Variants in MICU3 observed in about 807,000 individuals in gnomAD.
MICU3 encodes the protein calcium uptake protein 3, mitochondrial.
MICU3 carries 62 observed loss-of-function variants against 66.5 expected under a neutral mutation model. The ratio of observed to expected loss-of-function variants is 0.93; its 90% confidence interval spans 0.76 to 1.15. MICU3 has a LOEUF of 1.15. MICU3 is among the 50% of genes most tolerant of loss of function. The pLI, the probability that MICU3 is intolerant of heterozygous loss-of-function variation, is 0.00. For synonymous variants in MICU3, 308 were observed against 240.7 expected (o/e 1.28, Z -2.59); for missense variants, 779 against 664.4 (o/e 1.17, Z -1.90).
intron 13 of MICU3, 44 bp downstream of exon 13, chr8:17,116,644 C>G (rs962582244): frequency 7.4e-7 from 1 of 1,357,600 alleles, no homozygotes; most frequent in African/African-American, 1.5e-5. Flanking sequence ...TTTTTAAAGT[C>G]TGAGGGAAAT....
At chr8:17,125,488 G>A (rs1328651192), downstream of MICU3, among the ~76,000 whole-genome samples, 1 of 152,070 alleles carries the variant, frequency 6.6e-6, no homozygotes, top group Non-Finnish European at 1.5e-5. Context: ...TTGAATCTCT[G>A]TGTGGCTGAG....
intron 1 of MICU3, among the ~76,000 whole-genome samples, chr8:17,032,310 C>T (rs559604432): frequency 6.6e-6 from 1 of 151,916 alleles, no homozygotes; most frequent in Non-Finnish European, 1.5e-5. Context: ...ATTAGAACCT[C>T]AAAGTTTTAG....
chr8:17,027,302 T>A lies in MICU3; in HGVS notation c.23T>A (p.Leu8Ter). 7.3e-7 allele frequency: 1 copy of A among 1,361,758 alleles called. No homozygotes were observed. The highest frequency in any genetic ancestry group is 9.6e-7 in the Non-Finnish European group (1 of 1,044,074). The allele number at this position is 1,361,758 out of a possible 1,614,324, so 84.4% of individuals were successfully genotyped here. Residue 8 changes from leucine to a stop codon, truncating the protein, a stop_gained, in exon 1 of 15, where the codon TTG (leucine) becomes TAG (stop). Coordinates refer to ENST00000318063, the MANE Select transcript of MICU3 (RefSeq NM_181723.3). LOFTEE classifies it high-confidence loss of function. The stretch of plus-strand genomic sequence containing the variant: ...GCTATGGCTGCGCTGCGAAGGCTCT[T>A]GTGGCCGCCACCCCGGGTGTCTCCT... MAALRRLLWPPPRVSPPL... is the reference protein window; with the variant it reads MAALRRL
Position 17,052,387 on chromosome 8 carries a change from G to A in MICU3, c.382-11697G>A, listed in dbSNP as rs139964713. Among the ~76,000 whole-genome samples the A allele has an allele frequency of 8.4e-3, 1,271 of 152,008 alleles. 14 individuals carry two copies. Among genetic ancestry groups the A allele is most frequent in the African/African-American group, 0.029 (1,200 of 41,470 alleles). On this transcript the variant is annotated intron_variant, in intron 1 of 14. Transcript: ENST00000318063. ...TCAAATCTTCTCTTCTAGCTATTTT[G>A]AAATATTTGAATTTTATTATTAATT...
chr8:17,051,678 C>T (rs1816108775), intron 1 of MICU3, among the ~76,000 whole-genome samples: 1 of 152,050 alleles, frequency 6.6e-6, no homozygotes, highest in Non-Finnish European at 1.5e-5. Flanking sequence ...GTGTCAAATG[C>T]TATAAGAGGA....
chr8:17,107,283 C>G (rs1386784988), intron 11 of MICU3, among the ~76,000 whole-genome samples: 1 of 152,100 alleles, frequency 6.6e-6, no homozygotes, highest in Non-Finnish European at 1.5e-5. Flanking sequence ...GAAGAGGTAA[C>G]TTCTGGGGAG....
At chr8:17,069,793 A>G in intron 3 of MICU3, 74 bp downstream of exon 3, 2 of 483,270 alleles carry the variant, frequency 4.1e-6, no homozygotes, top group East Asian at 9.3e-5. Flanking sequence ...ATTAAAATAT[A>G]TTTCATAAAA....
At chr8:17,030,233 T>A (rs7002852) in intron 1 of MICU3, among the ~76,000 whole-genome samples, 38,635 of 152,144 alleles carry the variant, frequency 0.25, 5,179 homozygotes, top group East Asian at 0.39. Flanking sequence ...AGGTTCTTTT[T>A]TATTTCTGTT....
rs537463680 is a variant in MICU3, at chr8:17,112,137, C to T, written c.1258-1956C>T. On this transcript the variant is annotated intron_variant, in intron 11 of 14. Transcript: ENST00000318063. ...TTATAGGTCCCTCCCTCCCTGGACA[C>T]GTGGGGATTGCAATTTGAGATGAGA... 5.2e-4 allele frequency among the ~76,000 whole-genome samples: 79 copies of T among 152,194 alleles called. 1 individual carries two copies. The highest frequency in any genetic ancestry group is 1.9e-3 in the South Asian group (9 of 4,820).
rs564560687 is a variant in MICU3 at position 17,068,626 on chromosome 8, C to G, written c.536-1062C>G. ...TTGATTACACATTTGTATCAACTAT[C>G]TTGGATAGATGAAGGATGTTGTTGC... is the stretch of plus-strand genomic sequence containing the variant. On this transcript the variant is annotated intron_variant, in intron 2 of 14. Coordinates refer to ENST00000318063, the MANE Select transcript of MICU3 (RefSeq NM_181723.3). Among the ~76,000 whole-genome samples, 443 of 152,242 alleles carry G rather than the reference C, an allele frequency of 2.9e-3. 2 individuals are homozygous for G. The highest frequency in any genetic ancestry group is 4.7e-3 in the Non-Finnish European group (321 of 67,998).
the MICU3 span, among the ~76,000 whole-genome samples, chr8:17,136,416 C>T: frequency 8.6e-5 from 13 of 151,984 alleles, no homozygotes; most frequent in Non-Finnish European, 1.5e-5. Flanking sequence ...GCCTTGTGAC[C>T]ACCGCAGTTG....
At chr8:17,061,424 G>C (rs949731153) in intron 1 of MICU3, among the ~76,000 whole-genome samples, 3 of 152,092 alleles carry the variant, frequency 2.0e-5, no homozygotes, top group East Asian at 1.9e-4. Flanking sequence ...AACAGGGTTT[G>C]GTAAGCTGGG....
At chr8:17,041,357 A>T (rs1814054686) in intron 1 of MICU3, among the ~76,000 whole-genome samples, 2 of 152,202 alleles carry the variant, frequency 1.3e-5, no homozygotes, top group South Asian at 4.1e-4. Flanking sequence ...TTATACTGAA[A>T]GCTATCCAAG....
Position 17,047,023 on chromosome 8 carries a change from C to A in MICU3, c.382-17061C>A, listed in dbSNP as rs540839534. 2.0e-5 allele frequency among the ~76,000 whole-genome samples: 3 copies of A among 152,204 alleles called. No individual in the cohort carries two copies. The South Asian group carries it at 6.2e-4, about 32-fold the overall frequency. On this transcript the variant is annotated intron_variant, in intron 1 of 14. Coordinates refer to ENST00000318063, the MANE Select transcript of MICU3 (RefSeq NM_181723.3). Reference sequence around the variant, plus strand: ...ATCTAGATGAGAATGAGCTCGTAATCCAAAGCACAAAATATATGAAGTTCT... The same window carrying A: ...ATCTAGATGAGAATGAGCTCGTAATACAAAGCACAAAATATATGAAGTTCT...
chr8:17,075,264 T>C (rs949338736), intron 3 of MICU3, among the ~76,000 whole-genome samples: 1 of 152,130 alleles, frequency 6.6e-6, no homozygotes, highest in Non-Finnish European at 1.5e-5. Flanking sequence ...CTTAGAATTT[T>C]TATTAGGGTT....
chr8:17,104,428 C>A lies in MICU3; in HGVS notation c.1022C>A (p.Thr341Lys). ...ATCACAAGTTTAGTAACAGATACTA[C>A]ACTTCTTGTACACTTTTTTGGAAAG... Reference protein sequence around the residue: ...DDITSLVTDTTLLVHFFGKKG... With the variant: ...DDITSLVTDTKLLVHFFGKKG... Residue 341 changes from threonine to lysine, a missense_variant, in exon 10 of 15, where the codon ACA (threonine) becomes AAA (lysine). Thr to Lys is a moderately conservative substitution (Grantham distance 78). Coordinates refer to ENST00000318063, the MANE Select transcript of MICU3 (RefSeq NM_181723.3). 1.4e-6 allele frequency: 2 copies of A among 1,458,916 alleles called. No homozygotes were observed. Among genetic ancestry groups the A allele is most frequent in the Admixed American group, 1.8e-5 (1 of 54,320 alleles). 90.4% of individuals were successfully genotyped at this position (1,458,916 alleles called of 1,614,324 possible). A position where few individuals can be genotyped will look rare whatever the true frequency, so the allele number is the denominator to read the frequency against.
intron 2 of MICU3, among the ~76,000 whole-genome samples, chr8:17,067,251 G>C (rs1318189250): frequency 6.6e-6 from 1 of 152,010 alleles, no homozygotes; most frequent in Non-Finnish European, 1.5e-5. Context: ...TTAAACCTTG[G>C]CATTTACTGG....
intron 11 of MICU3, 60 bp downstream of exon 11, chr8:17,105,644 C>T: frequency 1.0e-6 from 1 of 967,976 alleles, no homozygotes; most frequent in Non-Finnish European, 1.5e-6. Context: ...GCCTCTAAAA[C>T]ACATTGCCCT....
chr8:17,029,831 T>A (rs1021825441), intron 1 of MICU3, among the ~76,000 whole-genome samples: 2 of 152,182 alleles, frequency 1.3e-5, no homozygotes, highest in Non-Finnish European at 2.9e-5. Context: ...CTTTGATGAT[T>A]TTTCTCTTCT....
Sources: allele counts gnomAD v4.1 joint callset (sites outside exome capture counted in the v4.1 genomes callset), GRCh38; gene constraint gnomAD v4.1.1; transcripts MANE v1.5; gene names NCBI Gene and HGNC (gene_info 2026-07-23, HGNC 2026-07-21).